CDK14: variants seen among roughly 807,000 people sequenced by gnomAD.
The protein encoded by CDK14 is cyclin-dependent kinase 14.
Under a neutral mutation model 60.7 loss-of-function variants are expected in CDK14, and 34 were observed. The ratio of observed to expected loss-of-function variants is 0.56; its 90% CI spans 0.43 to 0.75. CDK14 has a LOEUF of 0.75. CDK14 is among the 30% of genes least tolerant of loss of function. CDK14 has a pLI of 0.00. For missense variants in CDK14, 482 were observed against 564.1 expected (o/e 0.85, Z 1.47); for synonymous variants, 197 against 203.7 (o/e 0.97, Z 0.28).
In CDK14 at chr7:90,946,025, GGCA is replaced by G. The variant is rs1235614637; in HGVS notation, c.827-9664_827-9662del. ...GTGTTTAAGTCTGAGGGCTTGATGTGGCAGCAGCAGTGGGGAAAAAGAAGGGAA... is the reference window on the plus strand; with the variant it reads ...GTGTTTAAGTCTGAGGGCTTGATGTGGCAGCAGTGGGGAAAAAGAAGGGAA... On this transcript the variant is annotated intron_variant, in intron 8 of 14. Transcript: ENST00000380050. 2.0e-5 allele frequency among the ~76,000 whole-genome samples: 3 copies of G among 152,286 alleles called. No homozygotes were observed. In the East Asian group the frequency reaches 5.8e-4, roughly 29 times the overall value.
intron 10 of CDK14, among the ~76,000 whole-genome samples, chr7:91,026,425 TTAAAG>T (rs552003994): frequency 6.6e-6 from 1 of 152,148 alleles, no homozygotes; most frequent in Non-Finnish European, 1.5e-5. Flanking sequence ...AAAACAACTC[TTAAAG>T]TAATCACAAG....
intron 3 of CDK14, among the ~76,000 whole-genome samples, chr7:90,729,147 C>G (rs529095273): frequency 1.3e-5 from 2 of 151,448 alleles, no homozygotes; most frequent in South Asian, 4.2e-4. Context: ...AAATCTCTGG[C>G]GGGACTAGGA....
intron 3 of CDK14, among the ~76,000 whole-genome samples, chr7:90,740,276 G>T (rs993976700): frequency 9.9e-5 from 15 of 150,964 alleles, no homozygotes; most frequent in South Asian, 2.1e-4. Flanking sequence ...TATATAGAGA[G>T]AGAGAGAGAG....
intron 1 of CDK14, among the ~76,000 whole-genome samples, 183 bp downstream of exon 1, chr7:90,596,901 C>T (rs1485249880): frequency 6.6e-6 from 1 of 152,136 alleles, no homozygotes; most frequent in African/African-American, 2.4e-5. Context: ...AAAGAGACCC[C>T]TCTTCCTCAG....
intron 5 of CDK14, among the ~76,000 whole-genome samples, chr7:90,800,908 G>A (rs1019194223): frequency 6.6e-6 from 1 of 152,070 alleles, no homozygotes; most frequent in African/African-American, 2.4e-5. Context: ...TTGGCTTATC[G>A]TTACATCACT....
intron 6 of CDK14, among the ~76,000 whole-genome samples, chr7:90,863,956 T>G (rs1750993283): frequency 6.6e-6 from 1 of 152,086 alleles, no homozygotes; most frequent in Admixed American, 6.6e-5. Flanking sequence ...ACTATGATAA[T>G]TAACATCCCA....
At chr7:90,709,320 A>T in intron 2 of CDK14, 2 of 938,710 alleles carry the variant, frequency 2.1e-6, no homozygotes, top group Non-Finnish European at 2.9e-6. Context: ...CCAGATTATT[A>T]TTTAATGGGG....
chr7:91,056,758 A>G (rs1179840892), intron 11 of CDK14, among the ~76,000 whole-genome samples: 1 of 152,184 alleles, frequency 6.6e-6, no homozygotes, highest in Non-Finnish European at 1.5e-5. Flanking sequence ...TTATGGCTGC[A>G]TAGTATTCCA....
intron 1 of CDK14, among the ~76,000 whole-genome samples, chr7:90,598,333 A>AT (rs1429652038): frequency 1.3e-5 from 2 of 152,184 alleles, no homozygotes; most frequent in African/African-American, 2.4e-5. Flanking sequence ...GTGCTGGCAA[A>AT]TGGGGGTATT....
At chr7:91,009,773 G>A (rs1382747323) in intron 10 of CDK14, among the ~76,000 whole-genome samples, 1 of 152,018 alleles carries the variant, frequency 6.6e-6, no homozygotes, top group Non-Finnish European at 1.5e-5. Context: ...CTCAGTCTCT[G>A]GTTTGCTTTC....
At chr7:90,985,916 G>A (rs1270765916) in intron 10 of CDK14, among the ~76,000 whole-genome samples, 1 of 151,738 alleles carries the variant, frequency 6.6e-6, no homozygotes, top group East Asian at 1.9e-4. Context: ...ATGTTAACAT[G>A]ATTATAAAAA....
chr7:90,832,407 A>G (rs1789943645), intron 5 of CDK14, among the ~76,000 whole-genome samples: 1 of 152,150 alleles, frequency 6.6e-6, no homozygotes, highest in Admixed American at 6.6e-5. Flanking sequence ...CAATGAGAAC[A>G]CTGTTATTGG....
At chr7:90,879,692 A>G (rs1791678210) in intron 6 of CDK14, among the ~76,000 whole-genome samples, 3 of 152,132 alleles carry the variant, frequency 2.0e-5, no homozygotes, top group Admixed American at 2.0e-4. Flanking sequence ...ATGTATACCT[A>G]CGTAACAAAC....
chr7:91,094,480 G>A (rs1290110101), intron 12 of CDK14, among the ~76,000 whole-genome samples: 1 of 152,162 alleles, frequency 6.6e-6, no homozygotes. Context: ...GCACACGTCT[G>A]TGCCTCACAG....
intron 2 of CDK14, among the ~76,000 whole-genome samples, chr7:90,661,255 T>A (rs910333429): frequency 1.3e-5 from 2 of 152,204 alleles, no homozygotes; most frequent in African/African-American, 4.8e-5. Context: ...GCAAAATATC[T>A]ATTGCTGCCC....
At chr7:90,870,192 G>A (rs1791323017) in intron 6 of CDK14, among the ~76,000 whole-genome samples, 1 of 152,170 alleles carries the variant, frequency 6.6e-6, no homozygotes, top group African/African-American at 2.4e-5. Flanking sequence ...TCCTTTGCAG[G>A]AACATGTATG....
intron 5 of CDK14, among the ~76,000 whole-genome samples, chr7:90,808,237 G>A (rs992947657): frequency 2.0e-5 from 3 of 152,152 alleles, no homozygotes; most frequent in Non-Finnish European, 4.4e-5. Flanking sequence ...TACCCACAAA[G>A]GGAAGCCCAT....
At chr7:91,028,892 G>T (rs934103311) in intron 10 of CDK14, among the ~76,000 whole-genome samples, 1 of 151,922 alleles carries the variant, frequency 6.6e-6, no homozygotes, top group African/African-American at 2.4e-5. Context: ...CCATTCCGTA[G>T]GTTGTCTCTT....
chr7:90,858,226 TTTC>T (rs1392057766), intron 5 of CDK14, among the ~76,000 whole-genome samples: 20 of 152,320 alleles, frequency 1.3e-4, no homozygotes, highest in African/African-American at 4.3e-4. Flanking sequence ...GAAAAAACAT[TTTC>T]TTCTTAAGAT....
Sources: allele counts gnomAD v4.1 joint callset (sites outside exome capture counted in the v4.1 genomes callset), GRCh38; gene constraint gnomAD v4.1.1; transcripts MANE v1.5; gene names NCBI Gene and HGNC (gene_info 2026-07-23, HGNC 2026-07-21).